The following KCND2 variants were observed in gnomAD, a reference collection of about 807,000 sequenced individuals.
KCND2 encodes the protein potassium voltage-gated channel subfamily D member 2, also known as A-type voltage-gated potassium channel KCND2.
Under a neutral mutation model 54.4 loss-of-function variants are expected in KCND2, and 16 were observed. That is an observed-to-expected ratio of 0.29 (90% CI 0.20 to 0.45). KCND2 has a LOEUF of 0.45. KCND2 is among the 20% of genes least tolerant of loss of function. The pLI, the probability that KCND2 is intolerant of heterozygous loss-of-function variation, is 1.00. For missense variants in KCND2, 486 were observed against 824.2 expected, an observed-to-expected ratio of 0.59 and a Z score of 5.02; for synonymous variants, 317 against 310.7, an observed-to-expected ratio of 1.02 and a Z score of -0.21.
At chr7:120,683,142 T>C (rs1460437435) in intron 1 of KCND2, among the ~76,000 whole-genome samples, 1 of 152,166 alleles carries the variant, frequency 6.6e-6, no homozygotes, top group East Asian at 1.9e-4. Flanking sequence ...GAATACTACT[T>C]TTTTCTGAGC....
At chr7:120,510,699 T>C (rs1803100389) in intron 1 of KCND2, among the ~76,000 whole-genome samples, 1 of 152,074 alleles carries the variant, frequency 6.6e-6, no homozygotes, top group Non-Finnish European at 1.5e-5. Context: ...ATTTGACTAC[T>C]GTAGCTGTGG....
At chr7:120,442,842 T>C (rs1345875737) in intron 1 of KCND2, among the ~76,000 whole-genome samples, 1 of 152,106 alleles carries the variant, frequency 6.6e-6, no homozygotes, top group Non-Finnish European at 1.5e-5. Flanking sequence ...GAACAATTAG[T>C]TTCAAGCTAT....
chr7:120,524,079 A>G (rs1298144697), intron 1 of KCND2, among the ~76,000 whole-genome samples: 2 of 151,850 alleles, frequency 1.3e-5, no homozygotes, highest in Non-Finnish European at 1.5e-5. Context: ...CTCCTAATAT[A>G]CAAAAATTAG....
At chr7:120,335,464 CTTACTTATTTAT>C (rs1230816709) in intron 1 of KCND2, among the ~76,000 whole-genome samples, 61 of 139,240 alleles carry the variant, frequency 4.4e-4, no homozygotes, top group African/African-American at 1.6e-3. Context: ...TATTTACTTA[CTTACTTATTTAT>C]TTATTTATTT....
chr7:120,311,163 A>G lies in KCND2; in HGVS notation c.1115+35416A>G, dbSNP rs117569872. Among the ~76,000 whole-genome samples, 331 of 152,190 alleles carry G rather than the reference A, an allele frequency of 2.2e-3. 8 individuals are homozygous for G. In the East Asian group the frequency reaches 0.056, roughly 26 times the overall value. On this transcript the variant is annotated intron_variant, in intron 1 of 5. Coordinates refer to ENST00000331113, the MANE Select transcript of KCND2 (RefSeq NM_012281.3). ...TTCCTTTTCTATATTTAGGTTCCTG[A>G]TTAACAGAGTGTAGACATATGCTGC...
chr7:120,403,316 T>G (rs1584764312), intron 1 of KCND2, among the ~76,000 whole-genome samples: 1 of 106,244 alleles, frequency 9.4e-6, no homozygotes, highest in Non-Finnish European at 2.2e-5. Flanking sequence ...TTATTCATGT[T>G]TTTTTTTTTT....
chr7:120,631,615 G>A (rs764390480), intron 1 of KCND2, among the ~76,000 whole-genome samples: 53 of 151,986 alleles, frequency 3.5e-4, no homozygotes, highest in Non-Finnish European at 7.1e-4. Context: ...ATTTTATAAA[G>A]TTGCATTTCT....
chr7:120,346,311 C>A (rs780180429), intron 1 of KCND2, among the ~76,000 whole-genome samples: 3 of 152,026 alleles, frequency 2.0e-5, no homozygotes, highest in Non-Finnish European at 4.4e-5. Context: ...GAATGTGTCT[C>A]TCAAAATTTT....
chr7:120,388,678 A>G (rs1396933279), intron 1 of KCND2, among the ~76,000 whole-genome samples: 1 of 151,930 alleles, frequency 6.6e-6, no homozygotes, highest in African/African-American at 2.4e-5. Context: ...ATCCAGATGA[A>G]CTAGAACCGA....
chr7:120,687,804 T>G (rs1021519759), intron 1 of KCND2, among the ~76,000 whole-genome samples: 1 of 152,252 alleles, frequency 6.6e-6, no homozygotes, highest in Non-Finnish European at 1.5e-5. Context: ...TAATGTTACA[T>G]AAATATATAA....
chr7:120,483,933 G>C (rs537892382), intron 1 of KCND2, among the ~76,000 whole-genome samples: 1 of 152,230 alleles, frequency 6.6e-6, no homozygotes, highest in Non-Finnish European at 1.5e-5. Flanking sequence ...AGATTGTTTT[G>C]CTTTGCTTTT....
chr7:120,382,740 T>C (rs1305146959), intron 1 of KCND2, among the ~76,000 whole-genome samples: 1 of 151,916 alleles, frequency 6.6e-6, no homozygotes, highest in African/African-American at 2.4e-5. Context: ...TTTACTATAC[T>C]ATTGTGAATA....
chr7:120,570,073 G>T (rs1792343644), intron 1 of KCND2, among the ~76,000 whole-genome samples: 1 of 152,096 alleles, frequency 6.6e-6, no homozygotes, highest in African/African-American at 2.4e-5. Flanking sequence ...TATTTTTATT[G>T]ATTTTCCTCT....
chr7:120,459,897 A>G (rs780824896), intron 1 of KCND2, among the ~76,000 whole-genome samples: 1 of 152,234 alleles, frequency 6.6e-6, no homozygotes, highest in Non-Finnish European at 1.5e-5. Flanking sequence ...GTGTAAAGAC[A>G]CTTTTTGTCT....
chr7:120,477,982 C>T, intron 1 of KCND2, among the ~76,000 whole-genome samples: 1 of 152,002 alleles, frequency 6.6e-6, no homozygotes, highest in East Asian at 1.9e-4. Context: ...CTTCAAAATT[C>T]TTTGAATGGA....
chr7:120,516,507 C>A (rs1257392894), intron 1 of KCND2, among the ~76,000 whole-genome samples: 1 of 152,012 alleles, frequency 6.6e-6, no homozygotes, highest in Non-Finnish European at 1.5e-5. Flanking sequence ...CTTTCTAAAT[C>A]CGAATGAACT....
intron 1 of KCND2, among the ~76,000 whole-genome samples, chr7:120,400,996 TG>T (rs1243127925): frequency 6.6e-6 from 1 of 151,158 alleles, no homozygotes; most frequent in Non-Finnish European, 1.5e-5. Context: ...AAAGTGACCA[TG>T]GGGCACTCTG....
intron 1 of KCND2, among the ~76,000 whole-genome samples, chr7:120,544,629 A>G (rs1234793034): frequency 6.6e-6 from 1 of 151,998 alleles, no homozygotes; most frequent in Non-Finnish European, 1.5e-5. Flanking sequence ...TTAAAAATGT[A>G]TGAATCATGG....
At chr7:120,740,920 T>C (rs1183483706) in intron 2 of KCND2, 1 of 455,618 alleles carries the variant, frequency 2.2e-6, no homozygotes, top group Middle Eastern at 3.3e-4. Context: ...TGTTTGTTTG[T>C]TTGTTTGTTT....
Sources: allele counts gnomAD v4.1 joint callset (sites outside exome capture counted in the v4.1 genomes callset), GRCh38; gene constraint gnomAD v4.1.1; transcripts MANE v1.5; gene names NCBI Gene and HGNC (gene_info 2026-07-23, HGNC 2026-07-21).